The following FAM227B variants were observed in gnomAD, a reference collection of about 807,000 sequenced individuals.
FAM227B encodes the protein family with sequence similarity 227 member B, also known as protein FAM227B.
Under a neutral mutation model 73.8 loss-of-function variants are expected in FAM227B, and 88 were observed. The observed-to-expected ratio is 1.19, with a 90% CI of 1.00 to 1.42. The LOEUF is 1.42. Ranked by LOEUF, FAM227B falls within the 40% of genes most tolerant of loss-of-function variation. The probability of loss-of-function intolerance (pLI) is 0.00; values close to 1 mark genes in which losing one functional copy is unlikely to be tolerated. For missense variants in FAM227B, 632 were observed against 590.9 expected, an observed-to-expected ratio of 1.07 and a Z score of -0.72; for synonymous variants, 210 against 190.5, an observed-to-expected ratio of 1.10 and a Z score of -0.84.
rs553508683 is a variant in FAM227B, at chr15:49,567,772, C to A, written c.747+473G>T. ...CATTACTTATTTGAATCAATCCTATCCATCAGTTAGTACAATAACAGAAAA... is the reference window on the plus strand; with the variant it reads ...CATTACTTATTTGAATCAATCCTATACATCAGTTAGTACAATAACAGAAAA... On this transcript the variant is annotated intron_variant, in intron 9 of 15. Transcript: ENST00000299338. 4.6e-5 allele frequency among the ~76,000 whole-genome samples: 7 copies of A among 152,102 alleles called. No individual in the cohort carries two copies. In the South Asian group the frequency reaches 1.2e-3, roughly 27 times the overall value.
intron 11 of FAM227B, among the ~76,000 whole-genome samples, chr15:49,463,192 A>C (rs1438177755): frequency 1.3e-5 from 2 of 152,132 alleles, no homozygotes; most frequent in East Asian, 3.8e-4. Flanking sequence ...TTGCCAATTT[A>C]TCTCCCACAC....
chr15:49,439,796 A>G (rs753887604), intron 11 of FAM227B, among the ~76,000 whole-genome samples: 8 of 151,698 alleles, frequency 5.3e-5, no homozygotes, highest in Admixed American at 3.3e-4. Context: ...AAGAAACTGG[A>G]TGATTTGCTT....
rs184196058 is a variant in FAM227B, at chr15:49,385,627, G to T, written c.1013-14228C>A. Among the ~76,000 whole-genome samples, 151 of 149,372 alleles carry T rather than the reference G, an allele frequency of 1.0e-3. 1 individual carries two copies. The highest frequency in any genetic ancestry group is 1.9e-3 in the Non-Finnish European group (125 of 67,318). On this transcript the variant is annotated intron_variant, in intron 11 of 15. Transcript: ENST00000299338. ...AAAAAAAAAAACTAGGTAATAACAT[G>T]ATGAAGAGAACAGCACCTTACATCT...
chr15:49,552,669 G>A (rs1258370337), intron 9 of FAM227B, among the ~76,000 whole-genome samples: 2 of 151,508 alleles, frequency 1.3e-5, no homozygotes, highest in Non-Finnish European at 2.9e-5. Context: ...ATTGTTTTTT[G>A]TTTTTTTCTT....
chr15:49,514,545 G>T (rs2059253192), intron 10 of FAM227B, among the ~76,000 whole-genome samples: 1 of 152,008 alleles, frequency 6.6e-6, no homozygotes, highest in South Asian at 2.1e-4. Flanking sequence ...ATCTGCAACA[G>T]ATACGACTTC....
intron 8 of FAM227B, among the ~76,000 whole-genome samples, chr15:49,569,219 GCC>G (rs2074906988): frequency 2.6e-5 from 4 of 151,598 alleles, no homozygotes; most frequent in African/African-American, 9.7e-5. Flanking sequence ...TGAAAATATT[GCC>G]CCCACTTTTT....
At chr15:49,541,543 T>C (rs1358465690) in intron 10 of FAM227B, 137 bp downstream of exon 10, 7 of 688,252 alleles carry the variant, frequency 1.0e-5, no homozygotes, top group Non-Finnish European at 6.3e-6. Flanking sequence ...ACATTTATTT[T>C]AACACATGGG....
chr15:49,443,035 T>C (rs1425874164), intron 11 of FAM227B, among the ~76,000 whole-genome samples: 1 of 151,724 alleles, frequency 6.6e-6, no homozygotes, highest in Admixed American at 6.6e-5. Context: ...TATTAAGTGT[T>C]TGAAAATATG....
At chr15:49,512,242 G>A (rs1205459382) in intron 10 of FAM227B, among the ~76,000 whole-genome samples, 1 of 152,008 alleles carries the variant, frequency 6.6e-6, no homozygotes, top group Non-Finnish European at 1.5e-5. Context: ...AAAGCTGGAA[G>A]TATTTGATTT....
intron 3 of FAM227B, among the ~76,000 whole-genome samples, chr15:49,604,546 A>G (rs2077393692): frequency 6.6e-6 from 1 of 152,052 alleles, no homozygotes; most frequent in African/African-American, 2.4e-5. Context: ...GTCTTAATCT[A>G]TCTGGAGTTT....
chr15:49,604,034 T>C (rs902762099), intron 3 of FAM227B, among the ~76,000 whole-genome samples: 3 of 152,150 alleles, frequency 2.0e-5, no homozygotes, highest in African/African-American at 7.2e-5. Flanking sequence ...CTTTTAATGT[T>C]TTGTTGAATT....
At chr15:49,332,857 T>C (rs2039045354) in intron 14 of FAM227B, among the ~76,000 whole-genome samples, 1 of 152,164 alleles carries the variant, frequency 6.6e-6, no homozygotes, top group Non-Finnish European at 1.5e-5. Context: ...TGGGATTACT[T>C]AGTCGGAGGT....
At position 49,536,343 on chromosome 15, in the gene FAM227B, T is replaced by C. The variant is rs76792603; in HGVS notation, c.874+5337A>G. 6.3e-3 allele frequency among the ~76,000 whole-genome samples: 963 copies of C among 151,898 alleles called. 38 individuals carry two copies. In the East Asian group the frequency reaches 0.095, roughly 15 times the overall value. ...TTAATAAGAGGGTCAAAAATAACTA[T>C]TTAAGAATAAATTTAACTAAGGAGG... On this transcript the variant is annotated intron_variant, in intron 10 of 15. Transcript: ENST00000299338.
intron 11 of FAM227B, among the ~76,000 whole-genome samples, chr15:49,456,200 G>A (rs1597317820): frequency 6.6e-6 from 1 of 151,890 alleles, no homozygotes; most frequent in Non-Finnish European, 1.5e-5. Context: ...TAATTCTTTA[G>A]AATTTCATTT....
At chr15:49,553,727 A>G (rs2073318198) in intron 9 of FAM227B, among the ~76,000 whole-genome samples, 1 of 152,192 alleles carries the variant, frequency 6.6e-6, no homozygotes, top group Non-Finnish European at 1.5e-5. Flanking sequence ...ATGTTCCCTT[A>G]AGGGCCACAG....
intron 11 of FAM227B, among the ~76,000 whole-genome samples, chr15:49,506,102 T>C (rs1473462365): frequency 1.3e-5 from 2 of 151,916 alleles, no homozygotes; most frequent in African/African-American, 4.8e-5. Context: ...AATTTAAAAA[T>C]GGATACAGCA....
At chr15:49,452,204 G>C (rs960812732) in intron 11 of FAM227B, among the ~76,000 whole-genome samples, 6 of 151,990 alleles carry the variant, frequency 3.9e-5, no homozygotes, top group Non-Finnish European at 8.8e-5. Flanking sequence ...ACCATGCCCA[G>C]CTAATTTTTG....
chr15:49,531,321 T>C (rs1000073913), intron 10 of FAM227B, among the ~76,000 whole-genome samples: 3 of 151,892 alleles, frequency 2.0e-5, no homozygotes, highest in Non-Finnish European at 4.4e-5. Context: ...CAGATTTGTG[T>C]AATGTACTGG....
intron 9 of FAM227B, among the ~76,000 whole-genome samples, chr15:49,546,886 A>G (rs1420969656): frequency 6.6e-6 from 1 of 152,208 alleles, no homozygotes; most frequent in Non-Finnish European, 1.5e-5. Context: ...GAACTCCCCC[A>G]TCTAGCAAGG....
Sources: allele counts gnomAD v4.1 joint callset (sites outside exome capture counted in the v4.1 genomes callset), GRCh38; gene constraint gnomAD v4.1.1; transcripts MANE v1.5; gene names NCBI Gene and HGNC (gene_info 2026-07-23, HGNC 2026-07-21).